Variants in KCNAB1 observed in about 807,000 individuals in gnomAD.
KCNAB1 encodes voltage-gated potassium channel subunit beta-1.
KCNAB1 carries 35 observed loss-of-function variants against 64.6 expected under a neutral mutation model. That is an observed-to-expected ratio of 0.54 (90% confidence interval 0.41 to 0.72). The LOEUF (loss-of-function observed/expected upper bound fraction) is 0.72. KCNAB1 is among the 30% of genes least tolerant of loss of function. KCNAB1 has a pLI of 0.00. For synonymous variants in KCNAB1, 177 were observed against 183.8 expected, an observed-to-expected ratio of 0.96 and a Z score of 0.30; for missense variants, 401 against 512.9, an observed-to-expected ratio of 0.78 and a Z score of 2.11.
Position 156,537,986 on chromosome 3 carries a change from T to C in KCNAB1, c.*1239T>C, listed in dbSNP as rs1559937983. The C allele has an allele frequency of 1.3e-5, 2 of 152,172 alleles. No individual in the cohort carries two copies. The highest frequency in any genetic ancestry group is 2.1e-4 in the South Asian group (1 of 4,826). 9.4% of individuals were successfully genotyped at this position (152,172 alleles called of 1,614,324 possible). A position where few individuals can be genotyped will look rare whatever the true frequency, so the allele number is the denominator to read the frequency against. On this transcript the variant is annotated 3_prime_UTR_variant, in exon 14 of 14. Transcript: ENST00000490337. ...ATGCACTAAACTATATGCATGAAAGTTCTTTGCATGGATTAATGGGGCTTA... is the reference window on the plus strand; with the variant it reads ...ATGCACTAAACTATATGCATGAAAGCTCTTTGCATGGATTAATGGGGCTTA...
chr3:156,283,696 C>G (rs920502305), intron 1 of KCNAB1, among the ~76,000 whole-genome samples: 2 of 151,932 alleles, frequency 1.3e-5, no homozygotes, highest in African/African-American at 4.8e-5. Flanking sequence ...GACTTCCCCT[C>G]TCGCTTCATT....
intron 7 of KCNAB1, among the ~76,000 whole-genome samples, chr3:156,473,762 C>A (rs1331402976): frequency 6.6e-6 from 1 of 152,094 alleles, no homozygotes; most frequent in Non-Finnish European, 1.5e-5. Flanking sequence ...ATTTAACATG[C>A]AATTAATTTT....
At chr3:156,467,638 A>G (rs888890326) in intron 7 of KCNAB1, among the ~76,000 whole-genome samples, 3 of 152,008 alleles carry the variant, frequency 2.0e-5, no homozygotes, top group Non-Finnish European at 4.4e-5. Context: ...AAATATATAT[A>G]TAAACAGTAG....
At chr3:156,315,541 A>T (rs1722218656) in intron 1 of KCNAB1, among the ~76,000 whole-genome samples, 1 of 152,064 alleles carries the variant, frequency 6.6e-6, no homozygotes, top group Non-Finnish European at 1.5e-5. Context: ...TCAAATATCT[A>T]CTTACCTCCA....
rs1020546426 is a variant in KCNAB1, at chr3:156,524,906, T to C, written c.1081+959T>C. ...ATAAGATTATAATGGAGCTGAAAAA[T>C]TGCTATTGCCTAGTGATGTTGTGGT... On this transcript the variant is annotated intron_variant, in intron 12 of 13. Coordinates refer to ENST00000490337, the MANE Select transcript of KCNAB1 (RefSeq NM_172160.3). Among the ~76,000 whole-genome samples, 5 of 152,084 alleles carry C rather than the reference T, an allele frequency of 3.3e-5. No homozygotes were observed. The East Asian group carries it at 5.8e-4, about 18-fold the overall frequency.
At position 156,346,277 on chromosome 3, in the gene KCNAB1, A is replaced by T. The variant is rs147787929; in HGVS notation, c.276-75339A>T. 2.4e-3 allele frequency among the ~76,000 whole-genome samples: 359 copies of T among 152,240 alleles called. 1 individual carries two copies. Among genetic ancestry groups the T allele is most frequent in the African/African-American group, 8.3e-3 (344 of 41,548 alleles). On this transcript the variant is annotated intron_variant, in intron 1 of 13. Transcript: ENST00000490337. ...CTATTACTTTTGAACTGGTAGGAGAAAAACTCAGAGGAAATAATGTAATTT... is the reference window on the plus strand; with the variant it reads ...CTATTACTTTTGAACTGGTAGGAGATAAACTCAGAGGAAATAATGTAATTT...
intron 1 of KCNAB1, among the ~76,000 whole-genome samples, chr3:156,290,415 A>G (rs543783016): frequency 1.2e-4 from 19 of 152,358 alleles, no homozygotes; most frequent in African/African-American, 4.6e-4. Context: ...TGCAGAAGCC[A>G]TAATTTTATT....
chr3:156,350,688 GAAATAA>G (rs1724800496), intron 1 of KCNAB1, among the ~76,000 whole-genome samples: 1 of 152,104 alleles, frequency 6.6e-6, no homozygotes, highest in Non-Finnish European at 1.5e-5. Context: ...AGATGAGCAA[GAAATAA>G]AAATAAAGCA....
intron 1 of KCNAB1, among the ~76,000 whole-genome samples, chr3:156,342,585 C>CTTTTTTTTTT (rs60982892): frequency 3.1e-4 from 27 of 86,050 alleles, no homozygotes; most frequent in Middle Eastern, 0.016. Flanking sequence ...CTATGTGTTT[C>CTTTTTTTTTT]TTTTTTTTTT....
At chr3:156,500,601 A>G (rs1341935003) in intron 8 of KCNAB1, among the ~76,000 whole-genome samples, 1 of 152,150 alleles carries the variant, frequency 6.6e-6, no homozygotes, top group African/African-American at 2.4e-5. Context: ...GGTAACAACA[A>G]CTTATATCTT....
chr3:156,243,190 G>A (rs1329681387), intron 1 of KCNAB1, among the ~76,000 whole-genome samples: 1 of 151,820 alleles, frequency 6.6e-6, no homozygotes, highest in Non-Finnish European at 1.5e-5. Context: ...TTACAGGCGT[G>A]AGCCACCGCA....
intron 1 of KCNAB1, among the ~76,000 whole-genome samples, chr3:156,315,969 T>C (rs1022417140): frequency 3.9e-5 from 6 of 152,176 alleles, no homozygotes; most frequent in African/African-American, 1.4e-4. Context: ...ACAGAATAAA[T>C]AAAAGAGAAA....
chr3:156,305,002 G>C (rs1351991853), intron 1 of KCNAB1, among the ~76,000 whole-genome samples: 1 of 152,008 alleles, frequency 6.6e-6, no homozygotes, highest in Non-Finnish European at 1.5e-5. Flanking sequence ...TCATAGGGGT[G>C]AATGGCTCGG....
chr3:156,240,055 A>G (rs571151439), intron 1 of KCNAB1, among the ~76,000 whole-genome samples: 5 of 152,362 alleles, frequency 3.3e-5, no homozygotes, highest in East Asian at 1.9e-4. Context: ...TAAGTGACTA[A>G]TGGAAGACGT....
chr3:156,152,590 A>G lies in KCNAB1; in HGVS notation c.275+31704A>G, dbSNP rs377738229. On this transcript the variant is annotated intron_variant, in intron 1 of 13. Transcript: ENST00000490337. ...GTCTTCTGTCATTTTCTCCTTCATG[A>G]TATTCCTCTTAATTTGCTAAGGCAG... Among the ~76,000 whole-genome samples, 6 of 152,180 alleles carry G rather than the reference A, an allele frequency of 3.9e-5. No individual in the cohort carries two copies. In the East Asian group the frequency reaches 5.8e-4, roughly 15 times the overall value.
intron 1 of KCNAB1, chr3:156,175,763 C>T: frequency 1.8e-6 from 1 of 569,096 alleles, no homozygotes; most frequent in Non-Finnish European, 3.3e-6. Context: ...CAGTAATCGT[C>T]ATCTGAAGGG....
chr3:156,497,920 TG>T (rs1167131880), intron 8 of KCNAB1, among the ~76,000 whole-genome samples: 1 of 152,212 alleles, frequency 6.6e-6, no homozygotes, highest in Non-Finnish European at 1.5e-5. Flanking sequence ...AAACTGTGCA[TG>T]GACTGCATAT....
intron 1 of KCNAB1, among the ~76,000 whole-genome samples, chr3:156,189,527 G>A (rs900645888): frequency 4.6e-5 from 7 of 152,142 alleles, no homozygotes; most frequent in African/African-American, 1.7e-4. Context: ...TGGGGGACAG[G>A]GTGCCAGGGA....
At chr3:156,465,576 C>A in intron 6 of KCNAB1, 67 bp from the exon 7 acceptor site, 1 of 1,431,710 alleles carries the variant, frequency 7.0e-7, no homozygotes, top group Non-Finnish European at 9.8e-7. Flanking sequence ...GCAATTCAGA[C>A]CAGAGATTTA....
Sources: gnomAD v4.1 joint callset for allele counts (sites outside exome capture counted in the v4.1 genomes callset) on GRCh38, gnomAD v4.1.1 for gene constraint, MANE v1.5 for transcripts, NCBI Gene and HGNC (gene_info 2026-07-23, HGNC 2026-07-21) for gene names.